Variants in DIP2C observed in about 807,000 individuals in gnomAD.
DIP2C encodes disco-interacting protein 2 homolog C.
DIP2C carries 33 observed loss-of-function variants against 192.4 expected under a neutral mutation model. The observed-to-expected ratio is 0.17, with a 90% CI of 0.13 to 0.23. The LOEUF (loss-of-function observed/expected upper bound fraction) is 0.23. Ranked by LOEUF, DIP2C falls within the 10% of genes least tolerant of loss-of-function variation. The pLI is 1.00. For missense variants in DIP2C, 1,537 were observed against 2,110.1 expected (o/e 0.73, Z 5.32); for synonymous variants, 979 against 864.1 (o/e 1.13, Z -2.33).
chr10:484,300 A>C (rs985671973), intron 2 of DIP2C, among the ~76,000 whole-genome samples: 1 of 152,214 alleles, frequency 6.6e-6, no homozygotes, highest in Non-Finnish European at 1.5e-5. Flanking sequence ...ACCTCTAAGA[A>C]CATACTCTAT....
chr10:566,469 C>G (rs1395900998), intron 1 of DIP2C, among the ~76,000 whole-genome samples: 1 of 152,238 alleles, frequency 6.6e-6, no homozygotes, highest in African/African-American at 2.4e-5. Context: ...ACACCACAAA[C>G]AGCACAGACA....
Position 674,353 on chromosome 10 carries a change from AAG to A in DIP2C, c.85+15139_85+15140del, listed in dbSNP as rs562083282. Among the ~76,000 whole-genome samples the A allele has an allele frequency of 7.9e-5, 12 of 152,362 alleles. 1 individual carries two copies. In the South Asian group the frequency reaches 2.3e-3, roughly 29 times the overall value. ...CACAATTTAAGTTAAAAACTGTAAA[AAG>A]GAGACAAAAAGGTAATTATATAATG... On this transcript the variant is annotated intron_variant, in intron 1 of 36. Transcript: ENST00000280886.
Position 382,368 on chromosome 10 carries a change from G to A in DIP2C, c.1991+279C>T, listed in dbSNP as rs1297795361. Among the ~76,000 whole-genome samples the A allele has an allele frequency of 2.0e-5, 3 of 152,160 alleles. No homozygotes were observed. In the East Asian group the frequency reaches 5.8e-4, roughly 29 times the overall value. On this transcript the variant is annotated intron_variant, in intron 17 of 36. Coordinates refer to ENST00000280886, the MANE Select transcript of DIP2C (RefSeq NM_014974.3). ...ACATGGAAATTGGAGTAAATTCCAAGGACACGGTATTACGATTCCATGCGC... is the reference window on the plus strand; with the variant it reads ...ACATGGAAATTGGAGTAAATTCCAAAGACACGGTATTACGATTCCATGCGC...
intron 1 of DIP2C, among the ~76,000 whole-genome samples, chr10:561,967 G>A (rs12572743): frequency 0.033 from 5,018 of 152,304 alleles, 168 homozygotes; most frequent in African/African-American, 0.08. Context: ...CACCAGCCGG[G>A]CCGTGCACCT....
intron 16 of DIP2C, among the ~76,000 whole-genome samples, chr10:383,304 A>G (rs1021512032): frequency 5.3e-5 from 8 of 152,246 alleles, no homozygotes; most frequent in Non-Finnish European, 1.0e-4. Flanking sequence ...CTGCTTTTGT[A>G]TATCAGGCAT....
chr10:577,999 G>A (rs1000470768), intron 1 of DIP2C, among the ~76,000 whole-genome samples: 2 of 152,058 alleles, frequency 1.3e-5, no homozygotes, highest in African/African-American at 4.8e-5. Context: ...ATTCCCAAAG[G>A]TGTGGAAAAC....
intron 1 of DIP2C, among the ~76,000 whole-genome samples, chr10:585,939 C>T (rs1233588564): frequency 6.6e-6 from 1 of 152,122 alleles, no homozygotes; most frequent in African/African-American, 2.4e-5. Flanking sequence ...GCAAATATAT[C>T]CAACTGCTGT....
chr10:372,074 C>CT (rs71376826), intron 17 of DIP2C, among the ~76,000 whole-genome samples: 1,943 of 137,572 alleles, frequency 0.014, 21 homozygotes, highest in East Asian at 0.029. Flanking sequence ...ACCCCCTTTC[C>CT]TTTTTTTTTT....
intron 8 of DIP2C, 35 bp downstream of exon 8, chr10:413,878 G>A: frequency 1.2e-6 from 2 of 1,600,470 alleles, no homozygotes; most frequent in Non-Finnish European, 1.7e-6. Context: ...GTGCGAGGGG[G>A]TGGGCAAAGG....
chr10:481,139 G>A (rs1393340241), intron 2 of DIP2C, among the ~76,000 whole-genome samples: 7 of 152,134 alleles, frequency 4.6e-5, no homozygotes, highest in Non-Finnish European at 1.5e-5. Context: ...CGGACCCACT[G>A]CGCACCTGCC....
At chr10:304,543 A>T (rs1323287482) in intron 32 of DIP2C, among the ~76,000 whole-genome samples, 1 of 86,064 alleles carries the variant, frequency 1.2e-5, no homozygotes, top group African/African-American at 4.6e-5. Context: ...ACATGTATGT[A>T]TGCACACGAA....
At chr10:497,424 A>C (rs994657207) in intron 1 of DIP2C, among the ~76,000 whole-genome samples, 6 of 152,176 alleles carry the variant, frequency 3.9e-5, no homozygotes, top group Admixed American at 2.6e-4. Context: ...CTTCCTGGTC[A>C]TTCTGCTGTG....
chr10:482,467 G>GGA (rs1843678522), intron 2 of DIP2C, among the ~76,000 whole-genome samples: 1 of 152,196 alleles, frequency 6.6e-6, no homozygotes, highest in African/African-American at 2.4e-5. Context: ...GTGACCTCAT[G>GGA]GAGAGAGGCT....
chr10:661,019 G>C (rs534779454), intron 1 of DIP2C, among the ~76,000 whole-genome samples: 2 of 152,314 alleles, frequency 1.3e-5, no homozygotes, highest in African/African-American at 4.8e-5. Flanking sequence ...CACAAGTTTT[G>C]TAAGTCCTTC....
chr10:528,495 A>G (rs1184529872), intron 1 of DIP2C, among the ~76,000 whole-genome samples: 1 of 152,168 alleles, frequency 6.6e-6, no homozygotes, highest in Non-Finnish European at 1.5e-5. Context: ...CCAAAAAGCC[A>G]TAGTGGTGGA....
intron 1 of DIP2C, chr10:669,034 A>G (rs562510199): frequency 1.3e-5 from 2 of 152,118 alleles, no homozygotes; most frequent in South Asian, 4.2e-4. Context: ...TTTACATGTA[A>G]CCGCGGCTGG....
chr10:327,294 T>C, intron 30 of DIP2C, 118 bp from the exon 31 acceptor site: 1 of 1,167,436 alleles, frequency 8.6e-7, no homozygotes, highest in African/African-American at 1.6e-5. Context: ...AGCTATGCAT[T>C]TCCAGGGCCA....
intron 17 of DIP2C, among the ~76,000 whole-genome samples, chr10:378,527 A>T (rs530348049): frequency 6.7e-6 from 1 of 148,882 alleles, no homozygotes; most frequent in African/African-American, 2.5e-5. Context: ...ACACACATGC[A>T]CAAAGACACA....
intron 2 of DIP2C, among the ~76,000 whole-genome samples, chr10:485,123 G>A (rs1046555164): frequency 3.3e-5 from 5 of 152,348 alleles, no homozygotes; most frequent in African/African-American, 4.8e-5. Flanking sequence ...CGGGAGGCAC[G>A]GTGCGCTGGA....
Sources: allele counts gnomAD v4.1 joint callset (sites outside exome capture counted in the v4.1 genomes callset), GRCh38; gene constraint gnomAD v4.1.1; transcripts MANE v1.5; gene names NCBI Gene and HGNC (gene_info 2026-07-23, HGNC 2026-07-21).